The following ZSCAN2 variants were observed in gnomAD, a reference collection of about 807,000 sequenced individuals.
The protein encoded by ZSCAN2 is zinc finger and SCAN domain-containing protein 2.
ZSCAN2 carries 26 observed loss-of-function variants against 47.8 expected under a neutral mutation model. The ratio of observed to expected loss-of-function variants is 0.54; its 90% confidence interval spans 0.40 to 0.75. The LOEUF is 0.75. Ranked by LOEUF, ZSCAN2 falls within the 30% of genes least tolerant of loss-of-function variation. ZSCAN2 has a pLI of 0.00. For missense variants in ZSCAN2, 732 were observed against 785.4 expected, an observed-to-expected ratio of 0.93 and a Z score of 0.81; for synonymous variants, 305 against 288.7, an observed-to-expected ratio of 1.06 and a Z score of -0.57.
At chr15:84,609,626 A>C (rs1342041640) in intron 2 of ZSCAN2, among the ~76,000 whole-genome samples, 2 of 152,186 alleles carry the variant, frequency 1.3e-5, no homozygotes, top group African/African-American at 4.8e-5. Flanking sequence ...TTTTATCAGC[A>C]GTTAGTCTTT....
intron 2 of ZSCAN2, among the ~76,000 whole-genome samples, chr15:84,618,601 G>T (rs185122784): frequency 1.4e-5 from 2 of 146,080 alleles, no homozygotes; most frequent in East Asian, 2.0e-4. Flanking sequence ...TGGCTCTGTT[G>T]CCCAGGCCGG....
chr15:84,622,773 T>G lies in ZSCAN2; in HGVS notation c.*733T>G. The stretch of plus-strand genomic sequence containing the variant: ...AAACCGAGGACATTTCAGTGCTTGC[T>G]TTTGTCTCTGCCTACTGTCCTGTGG... On this transcript the variant is annotated 3_prime_UTR_variant, in exon 3 of 3. Coordinates refer to ENST00000546148, the MANE Select transcript of ZSCAN2 (RefSeq NM_181877.4). 1.4e-6 allele frequency: 1 copy of G among 692,106 alleles called. No homozygotes were observed. Among genetic ancestry groups the G allele is most frequent in the South Asian group, 1.6e-5 (1 of 63,296 alleles). 42.9% of individuals were successfully genotyped at this position (692,106 alleles called of 1,614,324 possible). A position where few individuals can be genotyped will look rare whatever the true frequency, so the allele number is the denominator to read the frequency against.
chr15:84,606,507 A>C (rs2141764049), intron 2 of ZSCAN2: 1 of 1,580,094 alleles, frequency 6.3e-7, no homozygotes, highest in East Asian at 2.2e-5. Context: ...AAAATAAGCA[A>C]ACCTGTCTCC....
At chr15:84,603,180 T>C (rs189649352) in intron 1 of ZSCAN2, among the ~76,000 whole-genome samples, 20 of 152,212 alleles carry the variant, frequency 1.3e-4, no homozygotes, top group African/African-American at 4.8e-4. Flanking sequence ...TTATTATCTT[T>C]ATTAGGTGGT....
At chr15:84,613,352 G>A (rs766006791) in intron 2 of ZSCAN2, among the ~76,000 whole-genome samples, 1 of 151,970 alleles carries the variant, frequency 6.6e-6, no homozygotes, top group African/African-American at 2.4e-5. Flanking sequence ...ACGGAGTCTC[G>A]CTCTGTTGCC....
chr15:84,610,191 C>A (rs868575379), intron 2 of ZSCAN2, among the ~76,000 whole-genome samples: 36 of 152,162 alleles, frequency 2.4e-4, no homozygotes, highest in African/African-American at 8.4e-4. Context: ...GTGGTCAAAT[C>A]ATTTTGAAAA....
At position 84,622,939 on chromosome 15, in the gene ZSCAN2, C is replaced by T; in HGVS notation, c.*899C>T. 2.1e-6 allele frequency: 1 copy of T among 473,672 alleles called. No homozygotes were observed. Among genetic ancestry groups the T allele is most frequent in the African/African-American group, 2.0e-5 (1 of 49,742 alleles). 29.3% of individuals were successfully genotyped at this position (473,672 alleles called of 1,614,324 possible). On this transcript the variant is annotated 3_prime_UTR_variant, in exon 3 of 3. Coordinates refer to ENST00000546148, the MANE Select transcript of ZSCAN2 (RefSeq NM_181877.4). The stretch of plus-strand genomic sequence containing the variant: ...AAGAGTAAAACAGTCCTGCACACAG[C>T]AGGGTGGGTTTGTGCCTTTGGCCCA...
chr15:84,620,481 G>T (rs1442284747), intron 2 of ZSCAN2, 121 bp from the exon 3 acceptor site: 1 of 854,406 alleles, frequency 1.2e-6, no homozygotes, highest in Non-Finnish European at 1.8e-6. Flanking sequence ...AGGCTTTGAG[G>T]ATTTTCTAGC....
At chr15:84,613,648 T>C (rs1895614531) in intron 2 of ZSCAN2, among the ~76,000 whole-genome samples, 1 of 149,754 alleles carries the variant, frequency 6.7e-6, no homozygotes, top group Non-Finnish European at 1.5e-5. Context: ...AGATAGTCCC[T>C]CTCCCCTCCA....
At chr15:84,602,587 CTTTTTTTTTTT>C (rs981357914) in intron 1 of ZSCAN2, among the ~76,000 whole-genome samples, 28 of 115,744 alleles carry the variant, frequency 2.4e-4, no homozygotes, top group Admixed American at 2.0e-4. Context: ...CTTTTCTTTT[CTTTTTTTTTTT>C]TTTTTTTTGA....
rs150974287 is a variant in ZSCAN2 at position 84,615,888 on chromosome 15, A to G, written c.407-4714A>G. ...GCTCTTCTCTGTGGTATTCCTTTATAAAGGCAGTTGCCTCATTTAATTATT... is the reference window on the plus strand; with the variant it reads ...GCTCTTCTCTGTGGTATTCCTTTATGAAGGCAGTTGCCTCATTTAATTATT... On this transcript the variant is annotated intron_variant, in intron 2 of 2. Transcript: ENST00000546148. Among the ~76,000 whole-genome samples, 998 of 152,178 alleles carry G rather than the reference A, an allele frequency of 6.6e-3. 6 individuals are homozygous for G. The highest frequency in any genetic ancestry group is 0.01 in the Non-Finnish European group (687 of 68,000).
At chr15:84,602,534 A>T (rs1895237434) in intron 1 of ZSCAN2, among the ~76,000 whole-genome samples, 1 of 151,580 alleles carries the variant, frequency 6.6e-6, no homozygotes, top group Non-Finnish European at 1.5e-5. Flanking sequence ...ATTACCACCT[A>T]AAGGTAGCCA....
intron 2 of ZSCAN2, among the ~76,000 whole-genome samples, chr15:84,617,393 G>A (rs1339153884): frequency 4.6e-5 from 7 of 152,126 alleles, no homozygotes; most frequent in South Asian, 2.1e-4. Flanking sequence ...CCAGGATCGC[G>A]CCACTGCACT....
intron 1 of ZSCAN2, among the ~76,000 whole-genome samples, chr15:84,602,838 C>G (rs919653352): frequency 2.6e-5 from 4 of 151,988 alleles, no homozygotes; most frequent in Non-Finnish European, 5.9e-5. Flanking sequence ...ATCCGCCTGC[C>G]GAGGCCTCCC....
rs770978937 is a variant in ZSCAN2 at position 84,622,704 on chromosome 15, C to G, written c.*664C>G. On this transcript the variant is annotated 3_prime_UTR_variant, in exon 3 of 3. Transcript: ENST00000546148. The stretch of plus-strand genomic sequence containing the variant: ...CAGCCTGGAGCCAGTGTCCCAGTGT[C>G]CTTTCCATTGGTAAGAGTTGGACAG... 1.3e-5 allele frequency: 9 copies of G among 717,110 alleles called. No homozygotes were observed. Among genetic ancestry groups the G allele is most frequent in the Non-Finnish European group, 2.3e-5 (9 of 385,050 alleles). 44.4% of individuals were successfully genotyped at this position (717,110 alleles called of 1,614,324 possible).
At chr15:84,613,968 C>T (rs1240412795) in intron 2 of ZSCAN2, among the ~76,000 whole-genome samples, 2 of 139,978 alleles carry the variant, frequency 1.4e-5, no homozygotes, top group African/African-American at 2.7e-5. Flanking sequence ...GTGTGAGCCA[C>T]TGCTCTTGGC....
intron 2 of ZSCAN2, chr15:84,616,273 C>A: frequency 1.0e-6 from 1 of 983,192 alleles, no homozygotes; most frequent in Admixed American, 1.7e-5. Flanking sequence ...GATTAATGTG[C>A]GTGGGTCAAA....
At chr15:84,603,019 G>A (rs1487279601) in intron 1 of ZSCAN2, among the ~76,000 whole-genome samples, 1 of 152,106 alleles carries the variant, frequency 6.6e-6, no homozygotes, top group Non-Finnish European at 1.5e-5. Flanking sequence ...AGGCTGGATT[G>A]GAGAGTATAT....
chr15:84,603,392 G>A (rs1361466772), intron 1 of ZSCAN2, among the ~76,000 whole-genome samples: 3 of 145,440 alleles, frequency 2.1e-5, no homozygotes, highest in East Asian at 2.0e-4. Context: ...TTTTTGAGAC[G>A]GAGTCTCACT....
Sources: allele counts gnomAD v4.1 joint callset (sites outside exome capture counted in the v4.1 genomes callset), GRCh38; gene constraint gnomAD v4.1.1; transcripts MANE v1.5; gene names NCBI Gene and HGNC (gene_info 2026-07-23, HGNC 2026-07-21).